The following CCDC148 variants were observed in gnomAD, a reference collection of about 807,000 sequenced individuals.
CCDC148 encodes coiled-coil domain containing 148, also known as coiled-coil domain-containing protein 148.
In CCDC148, 89 loss-of-function variants were observed where a neutral mutation model predicts 85.7. The ratio of observed to expected loss-of-function variants is 1.04; its 90% CI spans 0.87 to 1.24. The LOEUF (loss-of-function observed/expected upper bound fraction) is 1.24. Ranked by LOEUF, CCDC148 falls within the 50% of genes most tolerant of loss-of-function variation. The pLI is 0.00. For missense variants in CCDC148, 692 were observed against 671.7 expected, an observed-to-expected ratio of 1.03 and a Z score of -0.33; for synonymous variants, 230 against 213.9, an observed-to-expected ratio of 1.08 and a Z score of -0.66.
At chr2:158,446,163 C>T (rs1283917962) in intron 1 of CCDC148, among the ~76,000 whole-genome samples, 1 of 152,066 alleles carries the variant, frequency 6.6e-6, no homozygotes, top group East Asian at 1.9e-4. Context: ...GTCTGGGCAA[C>T]ATAGTGAGAC....
intron 9 of CCDC148, among the ~76,000 whole-genome samples, chr2:158,294,662 GA>G (rs1452851146): frequency 1.3e-5 from 2 of 151,902 alleles, no homozygotes; most frequent in East Asian, 3.9e-4. Context: ...CGTCTCTACT[GA>G]AAACACACAA....
rs140146218 is a variant in CCDC148 at position 158,438,193 on chromosome 2, C to T, written c.25+18222G>A. On this transcript the variant is annotated intron_variant, in intron 1 of 13. Transcript: ENST00000283233. ...ACAATCCTAAGCCAAAAGAACAAAG[C>T]TGGAGGCATCATGTTACCTGACTTC... 1.0e-2 allele frequency among the ~76,000 whole-genome samples: 1,518 copies of T among 152,244 alleles called. 27 individuals are homozygous for T. Among genetic ancestry groups the T allele is most frequent in the African/African-American group, 0.034 (1,403 of 41,524 alleles).
chr2:158,319,757 T>C (rs1256691685), intron 7 of CCDC148, among the ~76,000 whole-genome samples: 1 of 152,278 alleles, frequency 6.6e-6, no homozygotes, highest in South Asian at 2.1e-4. Context: ...AAAAGTACTA[T>C]GAAAGGATGT....
intron 11 of CCDC148, among the ~76,000 whole-genome samples, chr2:158,213,953 C>A (rs1021620277): frequency 1.3e-5 from 2 of 151,584 alleles, no homozygotes; most frequent in Admixed American, 1.3e-4. Context: ...CTACTGCATG[C>A]GAAAGAGAGA....
chr2:158,372,014 G>A (rs1008163445), intron 1 of CCDC148, among the ~76,000 whole-genome samples: 1 of 151,804 alleles, frequency 6.6e-6, no homozygotes, highest in African/African-American at 2.4e-5. Flanking sequence ...TCCAGTCTGG[G>A]GAACACAGTC....
intron 1 of CCDC148, among the ~76,000 whole-genome samples, chr2:158,364,186 C>T (rs571600720): frequency 6.6e-6 from 1 of 152,294 alleles, no homozygotes; most frequent in Admixed American, 6.5e-5. Context: ...GAAAAATATT[C>T]CATGCTCATG....
At chr2:158,274,851 T>C (rs1689855700) in intron 9 of CCDC148, among the ~76,000 whole-genome samples, 1 of 152,192 alleles carries the variant, frequency 6.6e-6, no homozygotes, top group Non-Finnish European at 1.5e-5. Context: ...ACTACTATAG[T>C]CCAAGTGAGT....
intron 1 of CCDC148, among the ~76,000 whole-genome samples, chr2:158,454,817 C>A (rs896252449): frequency 5.3e-5 from 8 of 152,154 alleles, no homozygotes; most frequent in Non-Finnish European, 1.2e-4. Flanking sequence ...TCAAAAGAAA[C>A]CTTTCAACTA....
At chr2:158,351,340 G>C (rs112805393) in intron 2 of CCDC148, among the ~76,000 whole-genome samples, 8,890 of 152,298 alleles carry the variant, frequency 0.058, 362 homozygotes, top group Non-Finnish European at 0.081. Context: ...CATCTCACTA[G>C]GGAGTGCCAG....
chr2:158,231,457 C>T (rs1687852991), intron 10 of CCDC148, among the ~76,000 whole-genome samples: 1 of 152,092 alleles, frequency 6.6e-6, no homozygotes, highest in Non-Finnish European at 1.5e-5. Context: ...TGAGGTTCTG[C>T]CCCTGGATCT....
intron 9 of CCDC148, among the ~76,000 whole-genome samples, chr2:158,278,668 C>G (rs1054039899): frequency 2.6e-5 from 4 of 152,276 alleles, no homozygotes; most frequent in Non-Finnish European, 4.4e-5. Flanking sequence ...GGAGGCCTGC[C>G]TGCCTCTGTA....
chr2:158,224,535 T>C (rs1425917300), intron 10 of CCDC148, among the ~76,000 whole-genome samples: 3 of 151,536 alleles, frequency 2.0e-5, no homozygotes, highest in African/African-American at 7.3e-5. Flanking sequence ...AAGGTAAAAA[T>C]GTTAAGGGCA....
chr2:158,439,465 G>A (rs951765979), intron 1 of CCDC148, among the ~76,000 whole-genome samples: 8 of 152,092 alleles, frequency 5.3e-5, no homozygotes, highest in Non-Finnish European at 7.4e-5. Context: ...GTCACACACC[G>A]AGGCCTGTCG....
At position 158,224,181 on chromosome 2, in the gene CCDC148, T is replaced by A. The variant is rs140189041; in HGVS notation, c.1252-3468A>T. On this transcript the variant is annotated intron_variant, in intron 10 of 13. Transcript: ENST00000283233. Reference sequence around the variant, plus strand: ...GAACTACGTGATGAATGCACAAGCCTCAGTAGCCGATCAACTGGAAGAAAG... The same window carrying A: ...GAACTACGTGATGAATGCACAAGCCACAGTAGCCGATCAACTGGAAGAAAG... Among the ~76,000 whole-genome samples, 1,221 of 152,128 alleles carry A rather than the reference T, an allele frequency of 8.0e-3. 8 individuals carry two copies. Among genetic ancestry groups the A allele is most frequent in the Middle Eastern group, 0.024 (7 of 294 alleles).
intron 8 of CCDC148, among the ~76,000 whole-genome samples, chr2:158,309,856 T>C (rs2105209167): frequency 6.6e-6 from 1 of 152,336 alleles, no homozygotes; most frequent in South Asian, 2.1e-4. Flanking sequence ...TCATTTAATG[T>C]TTATAAGTCC....
At position 158,250,907 on chromosome 2, in the gene CCDC148, A is replaced by T. The variant is rs1253062809; in HGVS notation, c.1116T>A (p.Arg372=). The T allele has an allele frequency of 2.5e-6, 4 of 1,594,740 alleles. No homozygotes were observed. Among genetic ancestry groups the T allele is most frequent in the Admixed American group, 3.6e-5 (2 of 56,022 alleles). The part of the protein sequence containing the change: ...ELCADLKAKV[R]QWRAHQEEVA... ...CCTCTTCTTGGTGGGCTCGCCATTGACGAACCTGAAATAAAGAGAAAAACT... is the reference window on the plus strand; with the variant it reads ...CCTCTTCTTGGTGGGCTCGCCATTGTCGAACCTGAAATAAAGAGAAAAACT... Residue 372 remains arginine, a synonymous_variant, in exon 10 of 14, where the codon CGT becomes CGA. Coordinates refer to ENST00000283233, the MANE Select transcript of CCDC148 (RefSeq NM_138803.4).
intron 1 of CCDC148, among the ~76,000 whole-genome samples, chr2:158,377,233 G>A (rs1281907507): frequency 2.0e-5 from 3 of 151,878 alleles, no homozygotes; most frequent in Admixed American, 1.3e-4. Context: ...AAAGAGGGAA[G>A]GGATAGTTTT....
At chr2:158,331,260 A>G (rs756817247) in intron 7 of CCDC148, among the ~76,000 whole-genome samples, 23 of 152,140 alleles carry the variant, frequency 1.5e-4, no homozygotes, top group Non-Finnish European at 2.8e-4. Context: ...TCATTTTGTT[A>G]TGTACCCAGT....
At chr2:158,201,370 T>C (rs1685944235) in intron 11 of CCDC148, among the ~76,000 whole-genome samples, 1 of 152,064 alleles carries the variant, frequency 6.6e-6, no homozygotes, top group South Asian at 2.1e-4. Flanking sequence ...CCTAAGAATA[T>C]ATCCAAATAA....
Sources: gnomAD v4.1 joint callset for allele counts (sites outside exome capture counted in the v4.1 genomes callset) on GRCh38, gnomAD v4.1.1 for gene constraint, MANE v1.5 for transcripts, NCBI Gene and HGNC (gene_info 2026-07-23, HGNC 2026-07-21) for gene names.